NSD2: variants seen among roughly 807,000 people sequenced by gnomAD.
NSD2 encodes histone-lysine N-methyltransferase NSD2.
NSD2 carries 12 observed loss-of-function variants against 139.0 expected under a neutral mutation model. The ratio of observed to expected loss-of-function variants is 0.09; its 90% CI spans 0.06 to 0.14. The LOEUF (loss-of-function observed/expected upper bound fraction) is 0.14. NSD2 is among the 10% of genes least tolerant of loss of function. The pLI, the probability that NSD2 is intolerant of heterozygous loss-of-function variation, is 1.00. For synonymous variants in NSD2, 669 were observed against 648.7 expected (o/e 1.03, Z -0.48); for missense variants, 1,155 against 1,745.0 (o/e 0.66, Z 6.02).
chr4:1,929,520 A>G (rs1308007325), intron 5 of NSD2, among the ~76,000 whole-genome samples: 1 of 152,144 alleles, frequency 6.6e-6, no homozygotes, highest in Non-Finnish European at 1.5e-5. Flanking sequence ...AGACTTTCCA[A>G]AGGGCTGGTG....
At chr4:1,939,558 T>A in intron 8 of NSD2, 96 bp from the exon 9 acceptor site, 1 of 1,236,640 alleles carries the variant, frequency 8.1e-7, no homozygotes, top group South Asian at 1.3e-5. Flanking sequence ...AGAAGATTCA[T>A]CTTTAGAACT....
intron 1 of NSD2, among the ~76,000 whole-genome samples, chr4:1,889,880 C>A (rs1037730831): frequency 6.6e-6 from 1 of 151,814 alleles, no homozygotes; most frequent in Non-Finnish European, 1.5e-5. Context: ...GTGTACAATT[C>A]AGTGGTGTTT....
rs1304479306 is a variant in NSD2 at position 1,973,120 on chromosome 4, T to TA, written c.3373-1742dup. ...TTGGCCTCCCAAAGTACTGGGATTATAGGTGTGAGCCACCGCGCCCGGCCG... is the reference window on the plus strand; with the variant it reads ...TTGGCCTCCCAAAGTACTGGGATTATAAGGTGTGAGCCACCGCGCCCGGCCG... On this transcript the variant is annotated intron_variant, in intron 18 of 21. Transcript: ENST00000508803. This position sits in a 1 kb window ranked among gnomAD's most constrained non-coding sequence, Gnocchi z 5.5. Among the ~76,000 whole-genome samples the TA allele has an allele frequency of 6.6e-6, 1 of 152,184 alleles. No individual in the cohort carries two copies. Among genetic ancestry groups the TA allele is most frequent in the Non-Finnish European group, 1.5e-5 (1 of 68,028 alleles).
At chr4:1,938,398 TTTC>T (rs1722672289) in intron 7 of NSD2, 50 bp from the exon 8 acceptor site, 10 of 1,284,406 alleles carry the variant, frequency 7.8e-6, no homozygotes, top group African/African-American at 1.6e-5. Flanking sequence ...CTTTTTTTCT[TTTC>T]TTTTTTTTTT....
chr4:1,883,043 A>G (rs1470457929), intron 1 of NSD2, among the ~76,000 whole-genome samples: 2 of 152,198 alleles, frequency 1.3e-5, no homozygotes, highest in Admixed American at 6.5e-5. Context: ...AGGCCTAGCT[A>G]GGAAGGCCTC....
chr4:1,955,278 C>T lies in NSD2; in HGVS notation c.2456C>T (p.Ala819Val). ...NSIICTAHFTARKGKRHHAHV... is the reference protein window; with the variant it reads ...NSIICTAHFTVRKGKRHHAHV... ...ATCATCTGCACTGCCCACTTCACTG[C>T]TCGGAAGGGGAAGCGACACCACGCC... The change falls in exon 13 of 22, where the codon GCT becomes GTT. Residue 819 changes from alanine to valine, a missense_variant. Physicochemically the swap from Ala to Val is moderately conservative, Grantham distance 64. Around this residue, in one of 8 missense-constraint regions of NSD2, gnomAD observed 120 missense variants for 239.3 expected, o/e 0.50. Transcript: ENST00000508803. This position sits in a 1 kb window ranked among gnomAD's most constrained non-coding sequence, Gnocchi z 4.7. The T allele has an allele frequency of 6.2e-7, 1 of 1,614,144 alleles. No homozygotes were observed. Among genetic ancestry groups the T allele is most frequent in the South Asian group, 1.1e-5 (1 of 91,074 alleles).
intron 18 of NSD2, among the ~76,000 whole-genome samples, chr4:1,962,498 C>T (rs1221866515): frequency 2.6e-5 from 4 of 152,098 alleles, no homozygotes; most frequent in Non-Finnish European, 5.9e-5. Context: ...GTCAGATATT[C>T]GTAACTTACT....
At position 1,973,625 on chromosome 4, in the gene NSD2, T is replaced by G. The variant is rs1186810156; in HGVS notation, c.3373-1238T>G. 6.6e-6 allele frequency among the ~76,000 whole-genome samples: 1 copy of G among 152,216 alleles called. No individual in the cohort carries two copies. The highest frequency in any genetic ancestry group is 1.5e-5 in the Non-Finnish European group (1 of 68,038). On this transcript the variant is annotated intron_variant, in intron 18 of 21. Transcript: ENST00000508803. This position sits in a 1 kb window ranked among gnomAD's most constrained non-coding sequence, Gnocchi z 5.5. ...TTTTAAAGGGTGGCCTGTGTGGGTA[T>G]GTAGAAAGGACACGGGGCCAGCGGT...
intron 9 of NSD2, chr4:1,943,599 G>C: frequency 9.5e-7 from 1 of 1,049,750 alleles, no homozygotes. Flanking sequence ...GCTGAGGGCT[G>C]GTTGGGTTCC....
chr4:1,949,281 T>G (rs1182917224), intron 9 of NSD2, among the ~76,000 whole-genome samples: 2 of 152,230 alleles, frequency 1.3e-5, no homozygotes, highest in East Asian at 3.8e-4. Context: ...CCTTAAAGTG[T>G]GCACTGCTCT....
chr4:1,880,213 ATCT>A (rs1486947548), intron 1 of NSD2, among the ~76,000 whole-genome samples: 10 of 152,280 alleles, frequency 6.6e-5, no homozygotes, highest in Non-Finnish European at 1.5e-4. Context: ...GCAGCAAAGC[ATCT>A]TCTTCTCATT....
intron 1 of NSD2, among the ~76,000 whole-genome samples, chr4:1,872,617 A>C (rs961014490): frequency 2.7e-5 from 4 of 145,846 alleles, no homozygotes; most frequent in Non-Finnish European, 6.1e-5. Flanking sequence ...AGAGAGAGAG[A>C]GAGAGAGAGA....
At chr4:1,875,372 C>CCTGGG (rs1187961014) in intron 1 of NSD2, among the ~76,000 whole-genome samples, 1 of 149,968 alleles carries the variant, frequency 6.7e-6, no homozygotes, top group Non-Finnish European at 1.5e-5. Context: ...GCCTTGATCA[C>CCTGGG]CTGGGCTCAA....
In NSD2 at chr4:1,979,581, C is replaced by CA; in HGVS notation, c.*674dup. Reference sequence around the variant, plus strand: ...CTCCTCATGGATTTGAATGAAATGCCAATAACACGTCCACTTTCAACGTGT... The same window carrying CA: ...CTCCTCATGGATTTGAATGAAATGCCAAATAACACGTCCACTTTCAACGTGT... On this transcript the variant is annotated 3_prime_UTR_variant, in exon 22 of 22. Transcript: ENST00000508803. 8.6e-6 allele frequency: 2 copies of CA among 232,948 alleles called. No individual in the cohort carries two copies. The allele number at this position is 232,948 out of a possible 1,614,324, so 14.4% of individuals were successfully genotyped here.
rs545615873 is a variant in NSD2 at position 1,972,419 on chromosome 4, A to G, written c.3373-2444A>G. 3.3e-5 allele frequency among the ~76,000 whole-genome samples: 5 copies of G among 152,374 alleles called. No individual in the cohort carries two copies. The South Asian group carries it at 8.3e-4, about 25-fold the overall frequency. ...ACCTGGACAGGCAATTTCAAAGTCC[A>G]TGTAGAAGGAAAGATCTGCAGGTCT... On this transcript the variant is annotated intron_variant, in intron 18 of 21. Coordinates refer to ENST00000508803, the MANE Select transcript of NSD2 (RefSeq NM_001042424.3). The surrounding 1 kb of genome is among the most constrained non-coding windows in gnomAD (Gnocchi z 4.0).
chr4:1,955,262 A>G lies in NSD2; in HGVS notation c.2440A>G (p.Thr814Ala). 6.2e-7 allele frequency: 1 copy of G among 1,614,186 alleles called. No individual in the cohort carries two copies. Among genetic ancestry groups the G allele is most frequent in the Non-Finnish European group, 8.5e-7 (1 of 1,180,044 alleles). The change falls in exon 13 of 22, where the codon ACT becomes GCT. Residue 814 changes from threonine (T) to alanine (A), a missense_variant. Thr to Ala is a moderately conservative substitution (Grantham distance 58). This residue lies in a region of NSD2 where 120 missense variants were observed against 239.3 expected (regional missense o/e 0.50). Coordinates refer to ENST00000508803, the MANE Select transcript of NSD2 (RefSeq NM_001042424.3). The surrounding 1 kb of genome is among the most constrained non-coding windows in gnomAD (Gnocchi z 4.7). ...SVIASNSIIC[T>A]AHFTARKGKR... Reference sequence around the variant, plus strand: ...GATCGCCTCCAACAGCATCATCTGCACTGCCCACTTCACTGCTCGGAAGGG... The same window carrying G: ...GATCGCCTCCAACAGCATCATCTGCGCTGCCCACTTCACTGCTCGGAAGGG...
At chr4:1,877,704 C>G (rs1714363357) in intron 1 of NSD2, among the ~76,000 whole-genome samples, 2 of 152,204 alleles carry the variant, frequency 1.3e-5, no homozygotes, top group African/African-American at 4.8e-5. Context: ...ACACGGGCCT[C>G]TTGCCTGCTC....
intron 17 of NSD2, 73 bp from the exon 18 acceptor site, chr4:1,960,962 G>C: frequency 8.6e-7 from 1 of 1,163,944 alleles, no homozygotes; most frequent in East Asian, 2.4e-5. Context: ...GATCATGATG[G>C]GGAGTCTTGA....
chr4:1,878,251 ATTTTTTTTTTTTT>A (rs71589624), intron 1 of NSD2, among the ~76,000 whole-genome samples: 130 of 29,228 alleles, frequency 4.4e-3, no homozygotes, highest in African/African-American at 0.016. Context: ...ATATATATAT[ATTTTTTTTTTTTT>A]TTTTTTTTTT....
Sources: allele counts gnomAD v4.1 joint callset (sites outside exome capture counted in the v4.1 genomes callset), GRCh38; gene constraint gnomAD v4.1.1; regional missense constraint gnomAD v4.1.1; non-coding constraint Gnocchi (gnomAD v3.1); transcripts MANE v1.5; gene names NCBI Gene and HGNC (gene_info 2026-07-23, HGNC 2026-07-21).